ROBO2: variants seen among roughly 807,000 people sequenced by gnomAD.
ROBO2 encodes the protein roundabout homolog 2.
In ROBO2, 53 loss-of-function variants were observed where a neutral mutation model predicts 160.8. The observed-to-expected ratio is 0.33, with a 90% CI of 0.26 to 0.41. The LOEUF is 0.41. Among genes scored for constraint, ROBO2 ranks in the 10% least tolerant of loss-of-function variants. The pLI is 1.00. For missense variants in ROBO2, 1,577 were observed against 1,722.4 expected (o/e 0.92, Z 1.49); for synonymous variants, 664 against 611.7 (o/e 1.09, Z -1.26).
intron 2 of ROBO2, among the ~76,000 whole-genome samples, chr3:77,166,156 G>C (rs1200163322): frequency 1.3e-5 from 2 of 152,056 alleles, no homozygotes; most frequent in Non-Finnish European, 2.9e-5. Context: ...TGCTTGCGTG[G>C]CTGAGGCATA....
At chr3:77,605,775 C>G (rs2094515759) in intron 20 of ROBO2, among the ~76,000 whole-genome samples, 1 of 152,132 alleles carries the variant, frequency 6.6e-6, no homozygotes, top group East Asian at 1.9e-4. Flanking sequence ...GTTGCTTCAT[C>G]TATAAAATGG....
chr3:76,866,122 T>TA (rs2071346816), intron 2 of ROBO2, among the ~76,000 whole-genome samples: 1 of 152,098 alleles, frequency 6.6e-6, no homozygotes, highest in Non-Finnish European at 1.5e-5. Flanking sequence ...AAAGAGAAGT[T>TA]CATGAGTTTT....
chr3:76,317,458 G>GA (rs1161686076), intron 2 of ROBO2, among the ~76,000 whole-genome samples: 2 of 151,636 alleles, frequency 1.3e-5, no homozygotes, highest in Non-Finnish European at 2.9e-5. Context: ...TAGTGCAGTA[G>GA]AAAAAAAGAA....
At chr3:76,263,530 A>G (rs1576160526) in intron 2 of ROBO2, among the ~76,000 whole-genome samples, 1 of 152,226 alleles carries the variant, frequency 6.6e-6, no homozygotes, top group East Asian at 1.9e-4. Context: ...GCCCAGCACA[A>G]TATTTCTTAG....
intron 2 of ROBO2, among the ~76,000 whole-genome samples, chr3:76,274,506 GT>G (rs1337802261): frequency 6.6e-6 from 1 of 152,066 alleles, no homozygotes; most frequent in Non-Finnish European, 1.5e-5. Context: ...AATACAGATT[GT>G]TATTCAATCT....
At chr3:76,855,433 G>A (rs1457767029) in intron 2 of ROBO2, among the ~76,000 whole-genome samples, 1 of 152,136 alleles carries the variant, frequency 6.6e-6, no homozygotes, top group Non-Finnish European at 1.5e-5. Context: ...TGCCGCTAAT[G>A]GATACTGAGT....
At chr3:76,947,990 A>T (rs536474870) in intron 2 of ROBO2, among the ~76,000 whole-genome samples, 1 of 152,110 alleles carries the variant, frequency 6.6e-6, no homozygotes, top group African/African-American at 2.4e-5. Context: ...TGAATAGGAT[A>T]ATTTTCCTTT....
At chr3:77,166,641 C>T (rs557333301) in intron 2 of ROBO2, among the ~76,000 whole-genome samples, 2 of 152,184 alleles carry the variant, frequency 1.3e-5, no homozygotes, top group Non-Finnish European at 2.9e-5. Flanking sequence ...TCACTGCAGG[C>T]TCCACCTCCC....
intron 2 of ROBO2, among the ~76,000 whole-genome samples, chr3:77,469,076 C>G (rs2083082037): frequency 6.6e-6 from 1 of 152,130 alleles, no homozygotes. Context: ...AAAGTAGTTT[C>G]TTGTGAATGA....
intron 2 of ROBO2, among the ~76,000 whole-genome samples, chr3:77,184,506 A>T (rs2081099328): frequency 6.6e-6 from 1 of 152,026 alleles, no homozygotes; most frequent in African/African-American, 2.4e-5. Flanking sequence ...ACTTCTGTTT[A>T]TGGGAACCAA....
chr3:77,324,127 C>A (rs1349476612), intron 2 of ROBO2, among the ~76,000 whole-genome samples: 1 of 152,144 alleles, frequency 6.6e-6, no homozygotes, highest in Non-Finnish European at 1.5e-5. Context: ...CAGACTATAA[C>A]CCAGTTCTAA....
chr3:77,198,916 A>G (rs2082561395), intron 2 of ROBO2, among the ~76,000 whole-genome samples: 1 of 152,178 alleles, frequency 6.6e-6, no homozygotes. Context: ...AAAAAAGAAA[A>G]AAGAAAAAAG....
intron 2 of ROBO2, among the ~76,000 whole-genome samples, chr3:76,576,930 T>C (rs1446905825): frequency 6.6e-6 from 1 of 151,996 alleles, no homozygotes; most frequent in Non-Finnish European, 1.5e-5. Flanking sequence ...CTATACCTTG[T>C]AAATCGTAAG....
chr3:77,326,505 T>G (rs1218933937), intron 2 of ROBO2, among the ~76,000 whole-genome samples: 2 of 152,246 alleles, frequency 1.3e-5, no homozygotes, highest in East Asian at 3.8e-4. Flanking sequence ...ATTTATATTT[T>G]GTATATCCAT....
At chr3:76,306,969 G>A (rs2071362415) in intron 2 of ROBO2, among the ~76,000 whole-genome samples, 1 of 152,060 alleles carries the variant, frequency 6.6e-6, no homozygotes, top group Non-Finnish European at 1.5e-5. Flanking sequence ...TTTGGATCAT[G>A]TAATTTCCCT....
intron 2 of ROBO2, among the ~76,000 whole-genome samples, chr3:76,603,382 A>T (rs2087387949): frequency 7.3e-6 from 1 of 136,660 alleles, no homozygotes; most frequent in Non-Finnish European, 1.6e-5. Flanking sequence ...ATATATATAT[A>T]TATATGAGTA....
chr3:76,323,987 C>T lies in ROBO2; in HGVS notation c.109+386385C>T, dbSNP rs185890229. ...CAGGTCACTATTATTCTGAATAATACATAAACATTGAGAAATGGTAGAAGT... is the reference window on the plus strand; with the variant it reads ...CAGGTCACTATTATTCTGAATAATATATAAACATTGAGAAATGGTAGAAGT... On this transcript the variant is annotated intron_variant, in intron 2 of 26. Coordinates refer to the ROBO2 transcript ENST00000487694. Among the ~76,000 whole-genome samples the T allele has an allele frequency of 4.3e-4, 65 of 152,218 alleles. No homozygotes were observed. The East Asian group carries it at 4.7e-3, about 11-fold the overall frequency.
chr3:77,011,103 C>CT (rs1164193392), intron 2 of ROBO2, among the ~76,000 whole-genome samples: 3 of 63,224 alleles, frequency 4.7e-5, no homozygotes, highest in East Asian at 4.8e-4. Flanking sequence ...TTCTATCTTT[C>CT]TTCTTTCTTT....
intron 2 of ROBO2, among the ~76,000 whole-genome samples, chr3:77,466,879 C>G (rs1302445495): frequency 6.6e-6 from 1 of 152,158 alleles, no homozygotes; most frequent in Non-Finnish European, 1.5e-5. Flanking sequence ...CTGGCAGTTA[C>G]TTGGCATTGT....
Sources: allele counts gnomAD v4.1 joint callset (sites outside exome capture counted in the v4.1 genomes callset), GRCh38; gene constraint gnomAD v4.1.1; transcripts MANE v1.5; gene names NCBI Gene and HGNC (gene_info 2026-07-23, HGNC 2026-07-21).